Variants in PLPPR1 observed in about 807,000 individuals in gnomAD.
PLPPR1 encodes the protein phospholipid phosphatase related 1, also known as phospholipid phosphatase-related protein type 1.
A neutral mutation model predicts 33.1 loss-of-function variants in PLPPR1; 10 were observed. The ratio of observed to expected loss-of-function variants is 0.30; its 90% CI spans 0.19 to 0.51. The LOEUF (loss-of-function observed/expected upper bound fraction) is 0.51. PLPPR1 is among the 20% of genes least tolerant of loss of function. The pLI, the probability that PLPPR1 is intolerant of heterozygous loss-of-function variation, is 0.97. For synonymous variants in PLPPR1, 151 were observed against 151.0 expected (o/e 1.00, Z 0.00); for missense variants, 304 against 408.1 (o/e 0.74, Z 2.20).
intron 2 of PLPPR1, among the ~76,000 whole-genome samples, chr9:101,258,455 G>T (rs1280471294): frequency 6.6e-6 from 1 of 152,140 alleles, no homozygotes; most frequent in Non-Finnish European, 1.5e-5. Flanking sequence ...GCAGGAGTTT[G>T]CTGACTTCTA....
At chr9:101,041,169 A>G (rs1830074037) in intron 1 of PLPPR1, among the ~76,000 whole-genome samples, 1 of 152,216 alleles carries the variant, frequency 6.6e-6, no homozygotes, top group African/African-American at 2.4e-5. Flanking sequence ...GTTGGGGCAT[A>G]TGCCAGAGAG....
In PLPPR1 at chr9:101,100,902, A is replaced by G. The variant is rs138150362; in HGVS notation, c.-46+71800A>G. ...TGCAAAGTAATTCACCCACAGTAAC[A>G]TAGCTAAACAGTGGGAGAATCAAAT... is the stretch of plus-strand genomic sequence containing the variant. On this transcript the variant is annotated intron_variant, in intron 1 of 7. Transcript: ENST00000374874. Among the ~76,000 whole-genome samples the G allele has an allele frequency of 8.5e-4, 129 of 152,282 alleles. No individual in the cohort carries two copies. The East Asian group carries it at 0.023, about 27-fold the overall frequency.
intron 2 of PLPPR1, among the ~76,000 whole-genome samples, chr9:101,223,195 G>A (rs892962622): frequency 2.0e-5 from 3 of 150,342 alleles, no homozygotes; most frequent in Non-Finnish European, 3.0e-5. Flanking sequence ...TTTTAGCTGG[G>A]CACCATGGGA....
At chr9:101,291,532 G>A (rs1224204644) in intron 4 of PLPPR1, among the ~76,000 whole-genome samples, 1 of 152,198 alleles carries the variant, frequency 6.6e-6, no homozygotes, top group Non-Finnish European at 1.5e-5. Context: ...CTAACTGGGA[G>A]GCACCCGCCA....
At chr9:101,065,599 T>C (rs928698737) in intron 1 of PLPPR1, among the ~76,000 whole-genome samples, 1 of 152,132 alleles carries the variant, frequency 6.6e-6, no homozygotes, top group Non-Finnish European at 1.5e-5. Context: ...TGCTGCTCTG[T>C]AACCATCTCA....
At chr9:101,238,764 T>C (rs1827386999) in intron 2 of PLPPR1, among the ~76,000 whole-genome samples, 1 of 151,872 alleles carries the variant, frequency 6.6e-6, no homozygotes, top group African/African-American at 2.4e-5. Context: ...AAACTGCACT[T>C]GTACTCCCTA....
At chr9:101,297,772 CCT>C (rs912676681) in intron 4 of PLPPR1, among the ~76,000 whole-genome samples, 1 of 152,048 alleles carries the variant, frequency 6.6e-6, no homozygotes, top group Non-Finnish European at 1.5e-5. Context: ...TATTAAGACT[CCT>C]CTCTCTCATT....
chr9:101,098,956 T>C (rs963561180), intron 1 of PLPPR1, among the ~76,000 whole-genome samples: 107 of 152,262 alleles, frequency 7.0e-4, no homozygotes, highest in African/African-American at 2.6e-3. Flanking sequence ...TGCTTGTTCT[T>C]ATACAAGGAC....
At chr9:101,309,813 A>C (rs1024712315) in intron 5 of PLPPR1, among the ~76,000 whole-genome samples, 1 of 148,878 alleles carries the variant, frequency 6.7e-6, no homozygotes, top group African/African-American at 2.5e-5. Flanking sequence ...TACCTCCCAC[A>C]ACAGTACTCT....
chr9:101,034,665 TTAAC>T (rs1365966199), intron 1 of PLPPR1, among the ~76,000 whole-genome samples: 1 of 152,300 alleles, frequency 6.6e-6, no homozygotes, highest in East Asian at 1.9e-4. Context: ...TTTGTGAGGA[TTAAC>T]TGAGTTTGTT....
chr9:101,205,141 C>T (rs1262586976), intron 2 of PLPPR1, among the ~76,000 whole-genome samples: 1 of 152,066 alleles, frequency 6.6e-6, no homozygotes, highest in Non-Finnish European at 1.5e-5. Context: ...TTTCTTTTGG[C>T]AGGTATCTTA....
At chr9:101,302,522 A>G (rs1219504362) in intron 4 of PLPPR1, among the ~76,000 whole-genome samples, 2 of 152,226 alleles carry the variant, frequency 1.3e-5, no homozygotes, top group African/African-American at 4.8e-5. Flanking sequence ...GAGATTTTCT[A>G]CTGGGGATCC....
intron 1 of PLPPR1, among the ~76,000 whole-genome samples, chr9:101,084,637 C>T (rs1427195138): frequency 6.6e-6 from 1 of 152,184 alleles, no homozygotes; most frequent in Non-Finnish European, 1.5e-5. Context: ...GTTTGCTTTG[C>T]AAGGCTTCTT....
intron 7 of PLPPR1, among the ~76,000 whole-genome samples, chr9:101,318,373 A>AT (rs1260819710): frequency 6.6e-6 from 1 of 152,200 alleles, no homozygotes; most frequent in Non-Finnish European, 1.5e-5. Context: ...GAAGCACTTA[A>AT]TTTTTCCCAG....
At chr9:101,070,285 G>T (rs187265844) in intron 1 of PLPPR1, among the ~76,000 whole-genome samples, 1 of 151,946 alleles carries the variant, frequency 6.6e-6, no homozygotes, top group African/African-American at 2.4e-5. Context: ...GTATGGACTC[G>T]TAGATGTTTA....
intron 2 of PLPPR1, among the ~76,000 whole-genome samples, chr9:101,235,643 T>A (rs1827284704): frequency 6.6e-6 from 1 of 151,892 alleles, no homozygotes; most frequent in Non-Finnish European, 1.5e-5. Context: ...AGTGCTCAAT[T>A]ACCGAGAGCA....
intron 1 of PLPPR1, among the ~76,000 whole-genome samples, chr9:101,160,709 G>A (rs1327631067): frequency 6.6e-6 from 1 of 151,994 alleles, no homozygotes; most frequent in Admixed American, 6.6e-5. Flanking sequence ...AATCTAATTA[G>A]CCATCAAGAT....
chr9:101,309,004 C>T (rs1183643401), intron 4 of PLPPR1, among the ~76,000 whole-genome samples: 1 of 152,066 alleles, frequency 6.6e-6, no homozygotes, highest in African/African-American at 2.4e-5. Context: ...GATACAAAAC[C>T]ATAAAGTCCT....
intron 3 of PLPPR1, among the ~76,000 whole-genome samples, chr9:101,283,431 A>G (rs1020812810): frequency 1.3e-5 from 2 of 152,252 alleles, no homozygotes; most frequent in African/African-American, 4.8e-5. Flanking sequence ...CCATTAATAA[A>G]TTGTGTTAGG....
Sources: allele counts gnomAD v4.1 joint callset (sites outside exome capture counted in the v4.1 genomes callset), GRCh38; gene constraint gnomAD v4.1.1; transcripts MANE v1.5; gene names NCBI Gene and HGNC (gene_info 2026-07-23, HGNC 2026-07-21).